Variants in NOTCH1 observed in about 807,000 individuals in gnomAD.
NOTCH1 encodes the protein neurogenic locus notch homolog protein 1.
In NOTCH1, 37 loss-of-function variants were observed where a neutral mutation model predicts 254.8. The ratio of observed to expected loss-of-function variants is 0.15; its 90% confidence interval spans 0.11 to 0.19. NOTCH1 has a LOEUF of 0.19. NOTCH1 is among the 10% of genes least tolerant of loss of function. NOTCH1 has a pLI of 1.00. For missense variants in NOTCH1, 2,972 were observed against 3,708.6 expected, an observed-to-expected ratio of 0.80 and a Z score of 5.16; for synonymous variants, 1,731 against 1,618.1, an observed-to-expected ratio of 1.07 and a Z score of -1.68.
rs1318418401 is a variant in NOTCH1, at chr9:136,498,800, G to A, written c.6180+99C>T. 9 of 1,399,370 alleles carry A rather than the reference G, an allele frequency of 6.4e-6. No homozygotes were observed. In the East Asian group the frequency reaches 1.8e-4, roughly 28 times the overall value. 86.7% of individuals were successfully genotyped at this position (1,399,370 alleles called of 1,614,324 possible). On this transcript the variant is annotated intron_variant, in intron 33 of 33. Transcript: ENST00000651671. Reference sequence around the variant, plus strand: ...GGCCCAGCGACCCTCGAGACCCTGTGGGTCAGGCCCTTGTGTCCCTGCGCC... The same window carrying A: ...GGCCCAGCGACCCTCGAGACCCTGTAGGTCAGGCCCTTGTGTCCCTGCGCC...
rs188357478 is a variant in NOTCH1, at chr9:136,498,974, G to A, written c.6105C>T (p.Ala2035=). Residue 2035 remains alanine, a synonymous_variant, in exon 33 of 34, where the codon GCC becomes GCT. Transcript: ENST00000651671. ...CGGCATCCACATTGTTCACGGCGGC[G>A]GCCCAGTGCAGGGCGGACTTGCCTG... ...DDLGKSALHW[A]AAVNNVDAAV... 2.2e-4 allele frequency: 348 copies of A among 1,613,500 alleles called. 1 individual carries two copies. In the African/African-American group the frequency reaches 3.7e-3, roughly 17 times the overall value.
chr9:136,500,182 C>T (rs543444416), intron 31 of NOTCH1, among the ~76,000 whole-genome samples: 24 of 152,332 alleles, frequency 1.6e-4, no homozygotes, highest in South Asian at 8.3e-4. Flanking sequence ...CAGGCTACGC[C>T]GGCAGCCAAG....
rs1843804034 is a variant in NOTCH1, at chr9:136,545,616, A to T, written c.61+110T>A. 2 of 872,702 alleles carry T rather than the reference A, an allele frequency of 2.3e-6. No homozygotes were observed. Among genetic ancestry groups the T allele is most frequent in the African/African-American group, 3.7e-5 (2 of 54,388 alleles). The allele number at this position is 872,702 out of a possible 1,614,324, so 54.1% of individuals were successfully genotyped here. On this transcript the variant is annotated intron_variant, in intron 1 of 33. Coordinates refer to ENST00000651671, the MANE Select transcript of NOTCH1 (RefSeq NM_017617.5). This position sits in a 1 kb window ranked among gnomAD's most constrained non-coding sequence, Gnocchi z 6.8. ...CCGGGCCGCCCGCTTTTCCCTCTCC[A>T]TGCTGGCCTCCCCGCCGCCCGCTCC...
intron 2 of NOTCH1, among the ~76,000 whole-genome samples, chr9:136,527,380 T>TCCCCCTCACC (rs1843480019): frequency 6.6e-6 from 1 of 152,080 alleles, no homozygotes; most frequent in Non-Finnish European, 1.5e-5. Context: ...TCTTCAATGC[T>TCCCCCTCACC]GTCCCGGCGG....
At chr9:136,517,137 G>A (rs1320665688) in intron 9 of NOTCH1, 135 bp downstream of exon 9, 19 of 599,862 alleles carry the variant, frequency 3.2e-5, no homozygotes, top group Non-Finnish European at 5.5e-5. Flanking sequence ...AGGGCAGGGG[G>A]TGGGGGCGGC....
At position 136,502,376 on chromosome 9, in the gene NOTCH1, G is replaced by A. The variant is rs779107901; in HGVS notation, c.5280C>T (p.Arg1760=). The change falls in exon 28 of 34, where the codon CGC becomes CGT. Residue 1760 remains arginine (R), a synonymous_variant. Coordinates refer to ENST00000651671, the MANE Select transcript of NOTCH1 (RefSeq NM_017617.5). ...ACCAGAGCTGGCCATGCTGCCGCCGGCGCTTGCGGGACAGCAGCACCCCGC... is the reference window on the plus strand; with the variant it reads ...ACCAGAGCTGGCCATGCTGCCGCCGACGCTTGCGGGACAGCAGCACCCCGC... The part of the protein sequence containing the change: ...VGCGVLLSRK[R]RRQHGQLWFP... The A allele has an allele frequency of 1.2e-6, 2 of 1,612,338 alleles. No homozygotes were observed. The highest frequency in any genetic ancestry group is 2.2e-5 in the East Asian group (1 of 44,858).
At position 136,536,514 on chromosome 9, in the gene NOTCH1, G is replaced by A. The variant is rs955931138; in HGVS notation, c.140+7510C>T. Among the ~76,000 whole-genome samples, 129 of 152,302 alleles carry A rather than the reference G, an allele frequency of 8.5e-4. 2 individuals carry two copies. The highest frequency in any genetic ancestry group is 8.3e-4 in the South Asian group (4 of 4,830). On this transcript the variant is annotated intron_variant, in intron 2 of 33. Coordinates refer to ENST00000651671, the MANE Select transcript of NOTCH1 (RefSeq NM_017617.5). The stretch of plus-strand genomic sequence containing the variant: ...CCGGAGCAGGCAGACTGGGCGGGTG[G>A]GGGCTGAGATGCCTGCCCGCCCCAT...
intron 33 of NOTCH1, 130 bp downstream of exon 33, chr9:136,498,769 C>A: frequency 9.5e-7 from 1 of 1,049,086 alleles, no homozygotes. Context: ...GTGGGGCCCA[C>A]ATGCGGGCCC....
At position 136,495,159 on chromosome 9, in the gene NOTCH1, A is replaced by G. The variant is rs1842897600; in HGVS notation, c.*912T>C. ...GGCCGCCACCGGGGTCAGCCCAGGC[A>G]GTGTCTTTCCCCAGAAAAGGGTAGG... On this transcript the variant is annotated 3_prime_UTR_variant, in exon 34 of 34. Transcript: ENST00000651671. 2.5e-6 allele frequency: 1 copy of G among 399,006 alleles called. No individual in the cohort carries two copies. Among genetic ancestry groups the G allele is most frequent in the South Asian group, 1.3e-4 (1 of 7,868 alleles). 24.7% of individuals were successfully genotyped at this position (399,006 alleles called of 1,614,324 possible).
At position 136,529,123 on chromosome 9, in the gene NOTCH1, C is replaced by T. The variant is rs188265721; in HGVS notation, c.141-5144G>A. Among the ~76,000 whole-genome samples the T allele has an allele frequency of 1.5e-4, 23 of 152,360 alleles. No individual in the cohort carries two copies. In the East Asian group the frequency reaches 2.7e-3, roughly 18 times the overall value. On this transcript the variant is annotated intron_variant, in intron 2 of 33. Coordinates refer to ENST00000651671, the MANE Select transcript of NOTCH1 (RefSeq NM_017617.5). ...CCCAGCAAGGCTGACCACCTTCTAC[C>T]TACGCCACTGACAGTGGGCCCCACC...
At position 136,503,179 on chromosome 9, in the gene NOTCH1, T is replaced by C. The variant is rs1025172473; in HGVS notation, c.5167+3A>G. 13 of 1,612,722 alleles carry C rather than the reference T, an allele frequency of 8.1e-6. No homozygotes were observed. The highest frequency in any genetic ancestry group is 1.1e-5 in the Non-Finnish European group (13 of 1,179,992). On this transcript the variant is annotated splice_donor_region_variant and intron_variant, in intron 27 of 33. Coordinates refer to ENST00000651671, the MANE Select transcript of NOTCH1 (RefSeq NM_017617.5). ...CCTGTTCCCGGGATGGGGCCACACT[T>C]ACTCTGCACGGCCTCGATCTTGTAG...
chr9:136,500,702 G>T lies in NOTCH1; in HGVS notation c.5784C>A (p.Gly1928=), dbSNP rs773571672. The part of the protein sequence containing the change: ...ASLHNQTDRT[G]ETALHLAARY... ...GGGCGGCCAGGTGCAAGGCGGTCTCGCCCGTGCGGTCTGTCTGGTTGTGCA... is the reference window on the plus strand; with the variant it reads ...GGGCGGCCAGGTGCAAGGCGGTCTCTCCCGTGCGGTCTGTCTGGTTGTGCA... The change falls in exon 31 of 34, where the codon GGC becomes GGA. Residue 1928 remains glycine, a synonymous_variant. Coordinates refer to ENST00000651671, the MANE Select transcript of NOTCH1 (RefSeq NM_017617.5). The T allele has an allele frequency of 2.5e-6, 4 of 1,609,982 alleles. No homozygotes were observed. The highest frequency in any genetic ancestry group is 3.4e-6 in the Non-Finnish European group (4 of 1,179,916).
At chr9:136,512,905 C>A in intron 15 of NOTCH1, 116 bp downstream of exon 15, 2 of 506,384 alleles carry the variant, frequency 3.9e-6, no homozygotes, top group Non-Finnish European at 7.5e-6. Flanking sequence ...GCTTCCCAGG[C>A]CGCCCCCACC....
In NOTCH1 at chr9:136,509,023, G is replaced by A. The variant is rs1448383814; in HGVS notation, c.3018C>T (p.Thr1006=). Residue 1006 remains threonine, a synonymous_variant, in exon 19 of 34, where the codon ACC becomes ACT. Coordinates refer to ENST00000651671, the MANE Select transcript of NOTCH1 (RefSeq NM_017617.5). ...GTCVDGINSF[T]CLCPPGFTGS... ...CCGTGAAGCCGGGTGGACACAGGCA[G>A]GTGAACGAGTTGATGCCGTCCACGC... 6.4e-7 allele frequency: 1 copy of A among 1,563,594 alleles called. No homozygotes were observed. The highest frequency in any genetic ancestry group is 1.2e-5 in the South Asian group (1 of 85,046).
chr9:136,512,950 T>C (rs1463434007), intron 15 of NOTCH1, 71 bp downstream of exon 15: 8 of 259,406 alleles, frequency 3.1e-5, no homozygotes, highest in Admixed American at 4.4e-5. Context: ...GGCTCCGCCC[T>C]CTCCAGCACA....
chr9:136,507,444 A>G lies in NOTCH1; in HGVS notation c.3511-7T>C. On this transcript the variant is annotated splice_polypyrimidine_tract_variant and splice_region_variant and intron_variant, in intron 21 of 33. Transcript: ENST00000651671. ...CGTGGTAGCCGGCCACGCACTGTGC[A>G]GGCGACAGAACGAGGGGCCCTTCGG... 6.3e-7 allele frequency: 1 copy of G among 1,599,658 alleles called. No individual in the cohort carries two copies.
chr9:136,510,912 C>G, intron 16 of NOTCH1, 107 bp from the exon 17 acceptor site: 2 of 1,488,928 alleles, frequency 1.3e-6, no homozygotes, highest in Non-Finnish European at 1.8e-6. Flanking sequence ...CAGGAGTAGG[C>G]TTCCGTGACC....
chr9:136,515,380 G>C lies in NOTCH1; in HGVS notation c.1924C>G (p.Leu642Val), dbSNP rs755740633. The C allele has an allele frequency of 8.7e-6, 14 of 1,612,886 alleles. No individual in the cohort carries two copies. The highest frequency in any genetic ancestry group is 2.2e-5 in the East Asian group (1 of 44,890). The part of the protein sequence containing the change: ...GTTGPNCEIN[L>V]DDCASSPCDS... ...CAGGGGCTGCTGGCACAGTCATCCA[G>C]GTTGATCTCGCAGTTGGGTCCTGAA... is the stretch of plus-strand genomic sequence containing the variant. Residue 642 changes from leucine (L) to valine (V), a missense_variant, in exon 12 of 34, where the codon CTG (leucine) becomes GTG (valine). By Grantham distance (32) the Leu-to-Val change is conservative. This residue lies in a region of NOTCH1 where 1,343 missense variants were observed against 1,557.0 expected (regional missense o/e 0.86). Transcript: ENST00000651671.
At chr9:136,514,997 G>A (rs1843240803) in intron 12 of NOTCH1, among the ~76,000 whole-genome samples, 1 of 152,234 alleles carries the variant, frequency 6.6e-6, no homozygotes, top group Admixed American at 6.5e-5. Flanking sequence ...GTGAGCCACA[G>A]AGGCAGAAGG....
Sources: allele counts gnomAD v4.1 joint callset (sites outside exome capture counted in the v4.1 genomes callset), GRCh38; gene constraint gnomAD v4.1.1; regional missense constraint gnomAD v4.1.1; non-coding constraint Gnocchi (gnomAD v3.1); transcripts MANE v1.5; gene names NCBI Gene and HGNC (gene_info 2026-07-23, HGNC 2026-07-21).